The following ZNF77 variants were observed in gnomAD, a reference collection of about 807,000 sequenced individuals.
ZNF77 encodes ZNFpT1.
Under a neutral mutation model 13.5 loss-of-function variants are expected in ZNF77, and 15 were observed. The ratio of observed to expected loss-of-function variants is 1.11; its 90% CI spans 0.74 to 1.71. The LOEUF is 1.71. ZNF77 is among the 40% of genes most tolerant of loss of function. The pLI is 0.00. For synonymous variants in ZNF77, 282 were observed against 250.0 expected (o/e 1.13, Z -1.21); for missense variants, 717 against 676.4 (o/e 1.06, Z -0.67).
intron 2 of ZNF77, among the ~76,000 whole-genome samples, chr19:2,939,029 C>T (rs112154327): frequency 3.2e-4 from 34 of 104,706 alleles, no homozygotes; most frequent in African/African-American, 9.2e-4. Flanking sequence ...AATGATGCCA[C>T]CCTTACCCAA....
Position 2,934,246 on chromosome 19 carries a change from T to G in ZNF77, c.881A>C (p.Lys294Thr). Residue 294 changes from lysine (K) to threonine (T), a missense_variant, in exon 4 of 4, where the codon AAA becomes ACA. Transcript: ENST00000314531. Reference protein sequence around the residue: ...REHVRTHTGEKPYECKHCGKS... With the variant: ...REHVRTHTGETPYECKHCGKS... ...TCCACAATGCTTACATTCATACGGT[T>G]TCTCTCCAGTGTGTGTTCTGACATG... 6.2e-7 allele frequency: 1 copy of G among 1,614,106 alleles called. No homozygotes were observed. Among genetic ancestry groups the G allele is most frequent in the East Asian group, 2.2e-5 (1 of 44,864 alleles).
chr19:2,943,692 A>ATTTTTTTTTTTTTTTTTTTTTTTTTT (rs10633206), intron 1 of ZNF77, among the ~76,000 whole-genome samples: 1 of 76,770 alleles, frequency 1.3e-5, no homozygotes, highest in African/African-American at 5.3e-5. Flanking sequence ...TCTAGCCAGG[A>ATTTTTTTTTTTTTTTTTTTTTTTTTT]TTTTTTTTTT....
At chr19:2,935,622 C>T (rs563297814) in intron 3 of ZNF77, among the ~76,000 whole-genome samples, 258 of 152,144 alleles carry the variant, frequency 1.7e-3, no homozygotes, top group African/African-American at 5.9e-3. Context: ...TGAGCCACTG[C>T]GCCCAGCCCA....
chr19:2,936,478 T>G, intron 3 of ZNF77, 46 bp downstream of exon 3: 1 of 1,519,724 alleles, frequency 6.6e-7, no homozygotes, highest in African/African-American at 1.4e-5. Context: ...CAAGTTAGTT[T>G]GATGCTCTGC....
chr19:2,933,528 T>C lies in ZNF77; in HGVS notation c.1599A>G (p.Ala533=), dbSNP rs752469791. 3 of 1,600,264 alleles carry C rather than the reference T, an allele frequency of 1.9e-6. No individual in the cohort carries two copies. Among genetic ancestry groups the C allele is most frequent in the East Asian group, 2.2e-5 (1 of 44,654 alleles). ...KQCGKTFRYL[A]SLQAHVRTHA... is the part of the protein sequence containing the mutation. ...GTGTTCTCACATGTGCTTGAAGCGATGCGAGATACCTGAAGGTTTTCCCAC... is the reference window on the plus strand; with the variant it reads ...GTGTTCTCACATGTGCTTGAAGCGACGCGAGATACCTGAAGGTTTTCCCAC... Residue 533 remains alanine, a synonymous_variant, in exon 4 of 4, where the codon GCA becomes GCG. Coordinates refer to ENST00000314531, the MANE Select transcript of ZNF77 (RefSeq NM_021217.3).
In ZNF77 at chr19:2,933,589, G is replaced by A. The variant is rs201394063; in HGVS notation, c.1538C>T (p.Thr513Met). The change falls in exon 4 of 4, where the codon ACG becomes ATG. Residue 513 changes from threonine to methionine, a missense_variant. Physicochemically the swap from Thr to Met is moderately conservative, Grantham distance 81 (BLOSUM62 -1). Coordinates refer to ENST00000314531, the MANE Select transcript of ZNF77 (RefSeq NM_021217.3). ...CSSSLRVHVR[T>M]HTGERPYECK... is the part of the protein sequence containing the mutation. ...TTCATACGGTCTCTCTCCAGTGTGC[G>A]TTCTCACGTGCACACGAAGGGACGA... 88 of 1,613,430 alleles carry A rather than the reference G, an allele frequency of 5.5e-5. No individual in the cohort carries two copies. The highest frequency in any genetic ancestry group is 6.7e-5 in the Admixed American group (4 of 59,866).
At position 2,944,844 on chromosome 19, in the gene ZNF77, C is replaced by G; in HGVS notation, c.-4G>C. 6.6e-7 allele frequency: 1 copy of G among 1,526,450 alleles called. No individual in the cohort carries two copies. The highest frequency in any genetic ancestry group is 8.7e-7 in the Non-Finnish European group (1 of 1,143,166). The allele number at this position is 1,526,450 out of a possible 1,614,324, so 94.6% of individuals were successfully genotyped here. On this transcript the variant is annotated 5_prime_UTR_variant, in exon 1 of 4. Coordinates refer to ENST00000314531, the MANE Select transcript of ZNF77 (RefSeq NM_021217.3). ...GCTCCCGCCCGGCACTCACCATGTCCCGCCCGCTCCTGGGCTCTCCAGGGT... is the reference window on the plus strand; with the variant it reads ...GCTCCCGCCCGGCACTCACCATGTCGCGCCCGCTCCTGGGCTCTCCAGGGT...
At chr19:2,937,961 T>A (rs2088412474) in intron 2 of ZNF77, among the ~76,000 whole-genome samples, 1 of 152,156 alleles carries the variant, frequency 6.6e-6, no homozygotes, top group Non-Finnish European at 1.5e-5. Flanking sequence ...TTCACCACGT[T>A]GGCCAGGCTG....
At chr19:2,936,946 A>G (rs1336292363) in intron 2 of ZNF77, among the ~76,000 whole-genome samples, 2 of 152,094 alleles carry the variant, frequency 1.3e-5, no homozygotes. Context: ...GGGCCAAGGT[A>G]GAAGAATTGC....
In ZNF77 at chr19:2,936,708, C is replaced by G; in HGVS notation, c.131-4G>C. The G allele has an allele frequency of 6.3e-7, 1 of 1,597,314 alleles. No individual in the cohort carries two copies. The highest frequency in any genetic ancestry group is 2.3e-5 in the East Asian group (1 of 44,170). On this transcript the variant is annotated splice_polypyrimidine_tract_variant and splice_region_variant and intron_variant, in intron 2 of 3. Coordinates refer to ENST00000314531, the MANE Select transcript of ZNF77 (RefSeq NM_021217.3). Reference sequence around the variant, plus strand: ...GTTCTAACATAAATGTAACAATCTGCAACAATCAATTACACAATTTCTTAG... The same window carrying G: ...GTTCTAACATAAATGTAACAATCTGGAACAATCAATTACACAATTTCTTAG...
chr19:2,944,731 C>T, intron 1 of ZNF77, 107 bp downstream of exon 1: 2 of 1,397,554 alleles, frequency 1.4e-6, no homozygotes, highest in East Asian at 5.5e-5. Flanking sequence ...CGTCGTGCGC[C>T]GCCCCGCGCG....
At position 2,934,127 on chromosome 19, in the gene ZNF77, T is replaced by C. The variant is rs372280417; in HGVS notation, c.1000A>G (p.Thr334Ala). Residue 334 changes from threonine (T) to alanine (A), a missense_variant, in exon 4 of 4, where the codon ACT (threonine) becomes GCT (alanine). By Grantham distance (58) the Thr-to-Ala change is moderately conservative. Transcript: ENST00000314531. ...CQCKHCGKAF[T>A]CYSSLREHGR... Reference sequence around the variant, plus strand: ...TGTTCTCGAAGAGACGAGTAACAAGTGAACGCTTTTCCGCAATGTTTACAC... The same window carrying C: ...TGTTCTCGAAGAGACGAGTAACAAGCGAACGCTTTTCCGCAATGTTTACAC... The C allele has an allele frequency of 6.2e-7, 1 of 1,613,890 alleles. No homozygotes were observed. Among genetic ancestry groups the C allele is most frequent in the African/African-American group, 1.3e-5 (1 of 74,854 alleles).
At chr19:2,943,094 C>T (rs892716090) in intron 1 of ZNF77, among the ~76,000 whole-genome samples, 6 of 152,018 alleles carry the variant, frequency 3.9e-5, no homozygotes, top group Admixed American at 3.9e-4. Context: ...GCCAACTCTT[C>T]AGATGCCTGC....
intron 2 of ZNF77, among the ~76,000 whole-genome samples, chr19:2,938,971 A>AT (rs371721832): frequency 1.3e-5 from 2 of 151,836 alleles, no homozygotes; most frequent in Non-Finnish European, 2.9e-5. Flanking sequence ...AATAAAAAAA[A>AT]AAAAAAAGAA....
chr19:2,942,145 C>T (rs1024120198), intron 1 of ZNF77, among the ~76,000 whole-genome samples: 7 of 150,038 alleles, frequency 4.7e-5, no homozygotes, highest in South Asian at 2.1e-4. Flanking sequence ...AATCTCAGCT[C>T]GCTGCAACCT....
At chr19:2,940,678 GAAAAA>G (rs71179936) in intron 1 of ZNF77, among the ~76,000 whole-genome samples, 42 of 114,610 alleles carry the variant, frequency 3.7e-4, no homozygotes, top group African/African-American at 1.4e-3. Flanking sequence ...TCACAAAAAA[GAAAAA>G]AAAAAAAAAA....
intron 1 of ZNF77, among the ~76,000 whole-genome samples, chr19:2,943,644 C>T (rs1017246757): frequency 7.0e-6 from 1 of 143,554 alleles, no homozygotes; most frequent in Admixed American, 7.0e-5. Flanking sequence ...TGGCAGGTTT[C>T]GGAGGCTGGG....
Position 2,933,692 on chromosome 19 carries a change from A to G in ZNF77, c.1435T>C (p.Phe479Leu). The G allele has an allele frequency of 6.2e-7, 1 of 1,611,700 alleles. No individual in the cohort carries two copies. The highest frequency in any genetic ancestry group is 1.1e-5 in the South Asian group (1 of 90,936). The change falls in exon 4 of 4, where the codon TTT becomes CTT. Residue 479 changes from phenylalanine to leucine, a missense_variant. Physicochemically the swap from Phe to Leu is conservative, Grantham distance 22. Transcript: ENST00000314531. The stretch of plus-strand genomic sequence containing the variant: ...CTGTGTGATCTCACATGCTTTTGAA[A>G]GTACTGAGCGTGGCTGAAGGCTTTC... Reference protein sequence around the residue: ...CGKAFSHAQYFQKHVRSHSGV... With the variant: ...CGKAFSHAQYLQKHVRSHSGV...
chr19:2,936,845 C>T, intron 2 of ZNF77, 141 bp from the exon 3 acceptor site: 1 of 758,156 alleles, frequency 1.3e-6, no homozygotes, highest in Non-Finnish European at 2.0e-6. Context: ...AAGTGAGACT[C>T]TGAGGACCTC....
Sources: gnomAD v4.1 joint callset for allele counts (sites outside exome capture counted in the v4.1 genomes callset) on GRCh38, gnomAD v4.1.1 for gene constraint, MANE v1.5 for transcripts, NCBI Gene and HGNC (gene_info 2026-07-23, HGNC 2026-07-21) for gene names.